The following MLPH variants were observed in gnomAD, a reference collection of about 807,000 sequenced individuals.
MLPH encodes melanophilin.
MLPH carries 51 observed loss-of-function variants against 72.1 expected under a neutral mutation model. That is an observed-to-expected ratio of 0.71 (90% CI 0.56 to 0.89). The LOEUF (loss-of-function observed/expected upper bound fraction) is 0.89, where lower values mean the gene tolerates loss of function less well. Ranked by LOEUF, MLPH falls within the 40% of genes least tolerant of loss-of-function variation. The pLI is 0.00. For missense variants in MLPH, 743 were observed against 759.9 expected, an observed-to-expected ratio of 0.98 and a Z score of 0.26; for synonymous variants, 301 against 310.1, an observed-to-expected ratio of 0.97 and a Z score of 0.31.
chr2:237,494,060 C>A (rs1022427874), intron 2 of MLPH, among the ~76,000 whole-genome samples: 1 of 152,194 alleles, frequency 6.6e-6, no homozygotes, highest in Non-Finnish European at 1.5e-5. Context: ...TCTTCCTCCC[C>A]CCTCTATCTT....
chr2:237,535,053 C>G (rs1449921472), intron 9 of MLPH, among the ~76,000 whole-genome samples: 1 of 152,176 alleles, frequency 6.6e-6, no homozygotes, highest in Non-Finnish European at 1.5e-5. Flanking sequence ...CTGCTATATG[C>G]TGCTATAGCA....
intron 10 of MLPH, 30 bp from the exon 11 acceptor site, chr2:237,540,772 C>T: frequency 6.2e-6 from 10 of 1,611,004 alleles, no homozygotes; most frequent in Non-Finnish European, 8.5e-6. Context: ...CCTCCTGCTG[C>T]TGGTCAGCCT....
intron 4 of MLPH, chr2:237,511,394 G>A (rs1164284735): frequency 2.5e-6 from 1 of 401,660 alleles, no homozygotes; most frequent in African/African-American, 2.1e-5. Context: ...TTATAAGTGT[G>A]AGCCACTGTG....
intron 2 of MLPH, among the ~76,000 whole-genome samples, chr2:237,503,352 T>A (rs2079693619): frequency 6.6e-6 from 1 of 152,102 alleles, no homozygotes; most frequent in South Asian, 2.1e-4. Flanking sequence ...CGTTCTCACA[T>A]CACCACTCAC....
At chr2:237,499,969 C>T (rs1411140057) in intron 2 of MLPH, among the ~76,000 whole-genome samples, 4 of 152,158 alleles carry the variant, frequency 2.6e-5, no homozygotes, top group Admixed American at 1.3e-4. Context: ...TTGTCTTGAA[C>T]TCCTGGGCTC....
rs1422692573 is a variant in MLPH at position 237,541,194 on chromosome 2, G to A, written c.1446+237G>A. Among the ~76,000 whole-genome samples the A allele has an allele frequency of 6.6e-6, 1 of 152,094 alleles. No individual in the cohort carries two copies. The highest frequency in any genetic ancestry group is 2.4e-5 in the African/African-American group (1 of 41,392). Reference sequence around the variant, plus strand: ...CCTTTTTCCTGTTCAACTTGGTGAGGGACAGGCAGGGTTTCCACCAAGAAA... The same window carrying A: ...CCTTTTTCCTGTTCAACTTGGTGAGAGACAGGCAGGGTTTCCACCAAGAAA... On this transcript the variant is annotated intron_variant, in intron 11 of 15. Coordinates refer to ENST00000264605, the MANE Select transcript of MLPH (RefSeq NM_024101.7). This position sits in a 1 kb window ranked among gnomAD's most constrained non-coding sequence, Gnocchi z 5.1.
intron 1 of MLPH, among the ~76,000 whole-genome samples, chr2:237,490,498 G>A: frequency 6.6e-6 from 1 of 152,232 alleles, no homozygotes; most frequent in East Asian, 1.9e-4. Context: ...AAGAAAAGCA[G>A]GTTTTTCCTT....
At chr2:237,546,738 C>G in intron 13 of MLPH, 55 bp downstream of exon 13, 2 of 1,466,840 alleles carry the variant, frequency 1.4e-6, no homozygotes, top group Non-Finnish European at 1.9e-6. Context: ...AAGACTGCAC[C>G]CCTTTCCAGC....
rs750134911 is a variant in MLPH at position 237,510,892 on chromosome 2, C to T, written c.332+97C>T. On this transcript the variant is annotated intron_variant, in intron 3 of 15. Coordinates refer to ENST00000264605, the MANE Select transcript of MLPH (RefSeq NM_024101.7). This position sits in a 1 kb window ranked among gnomAD's most constrained non-coding sequence, Gnocchi z 4.4. ...CTGAAGAAGGGTGGACGCACACATG[C>T]ACACACTCGTGTGTGTGTGTGTGTG... is the stretch of plus-strand genomic sequence containing the variant. 10 of 1,515,126 alleles carry T rather than the reference C, an allele frequency of 6.6e-6. No individual in the cohort carries two copies. The African/African-American group carries it at 1.5e-4, about 23-fold the overall frequency. The allele number at this position is 1,515,126 out of a possible 1,614,324, so 93.9% of individuals were successfully genotyped here.
At chr2:237,549,593 C>T (rs1240204157) in intron 14 of MLPH, among the ~76,000 whole-genome samples, 3 of 152,164 alleles carry the variant, frequency 2.0e-5, no homozygotes, top group Admixed American at 2.0e-4. Flanking sequence ...CTAGAAAGTA[C>T]GGCTCATCAT....
intron 12 of MLPH, chr2:237,545,456 G>T (rs777315085): frequency 7.8e-7 from 1 of 1,286,952 alleles, no homozygotes; most frequent in Non-Finnish European, 1.0e-6. Context: ...ACCCTAAAAA[G>T]GCTCTTTATG....
rs544166036 is a variant in MLPH at position 237,549,964 on chromosome 2, C to T, written c.1675+686C>T. On this transcript the variant is annotated intron_variant, in intron 14 of 15. Coordinates refer to ENST00000264605, the MANE Select transcript of MLPH (RefSeq NM_024101.7). ...CTCACAAGCAATCCTTGGCTCCCAA[C>T]TGCCTGCAGAATGAAGTGGGATTTC... Among the ~76,000 whole-genome samples the T allele has an allele frequency of 2.0e-5, 3 of 152,384 alleles. No individual in the cohort carries two copies. The South Asian group carries it at 6.2e-4, about 32-fold the overall frequency.
rs786205641 is a variant in MLPH, at chr2:237,527,481, TC to T, written c.987del (p.Lys330SerfsTer15). ...GGCTCACGTGATGGCCTCCCACCAT[TC>T]CAAGCGGAGAGGCCGGGCGTCTTCT... ...IRAHVMASHH[S>X]KRRGRASSES... On this transcript the variant is annotated frameshift_variant, in exon 8 of 16. Coordinates refer to ENST00000264605, the MANE Select transcript of MLPH (RefSeq NM_024101.7). LOFTEE classifies it high-confidence loss of function. 6.2e-7 allele frequency: 1 copy of T among 1,614,134 alleles called. No homozygotes were observed. The highest frequency in any genetic ancestry group is 8.5e-7 in the Non-Finnish European group (1 of 1,180,030).
Position 237,510,366 on chromosome 2 carries a change from A to G in MLPH, c.111-208A>G, listed in dbSNP as rs909679576. ...GTGTTTCCATTCCATTCCAGCCACC[A>G]AAATTGCCCGTTTGAGCTCAGCCCT... On this transcript the variant is annotated intron_variant, in intron 2 of 15. Coordinates refer to ENST00000264605, the MANE Select transcript of MLPH (RefSeq NM_024101.7). This position sits in a 1 kb window ranked among gnomAD's most constrained non-coding sequence, Gnocchi z 4.4. 1 of 632,140 alleles carries G rather than the reference A, an allele frequency of 1.6e-6. No homozygotes were observed. The highest frequency in any genetic ancestry group is 1.8e-5 in the African/African-American group (1 of 54,410). The allele number at this position is 632,140 out of a possible 1,614,324, so 39.2% of individuals were successfully genotyped here. A position where few individuals can be genotyped will look rare whatever the true frequency, so the allele number is the denominator to read the frequency against.
At chr2:237,549,594 G>A (rs944731877) in intron 14 of MLPH, among the ~76,000 whole-genome samples, 4 of 152,104 alleles carry the variant, frequency 2.6e-5, no homozygotes, top group Admixed American at 1.3e-4. Flanking sequence ...TAGAAAGTAC[G>A]GCTCATCATT....
Position 237,498,644 on chromosome 2 carries a change from C to T in MLPH, c.110+5108C>T, listed in dbSNP as rs112364881. 4.3e-3 allele frequency among the ~76,000 whole-genome samples: 652 copies of T among 152,228 alleles called. 4 individuals are homozygous for T. Among genetic ancestry groups the T allele is most frequent in the African/African-American group, 0.015 (623 of 41,536 alleles). On this transcript the variant is annotated intron_variant, in intron 2 of 15. Coordinates refer to ENST00000264605, the MANE Select transcript of MLPH (RefSeq NM_024101.7). ...CTCCTTGCTGGCCCTTAGGAGGGAT[C>T]GGTGAGAAGGAAGGGGAAGCCAGCA... is the stretch of plus-strand genomic sequence containing the variant.
chr2:237,487,221 G>A (rs1044513533), upstream of MLPH: 1 of 152,262 alleles, frequency 6.6e-6, no homozygotes, highest in Non-Finnish European at 1.5e-5. Context: ...CAGCCCACGT[G>A]GTTCGGGCGG....
At chr2:237,491,070 T>C (rs1388007242) in intron 1 of MLPH, among the ~76,000 whole-genome samples, 1 of 152,180 alleles carries the variant, frequency 6.6e-6, no homozygotes, top group Non-Finnish European at 1.5e-5. Flanking sequence ...GCCCAGAAAA[T>C]GTCCCTTTTC....
At chr2:237,524,105 G>C (rs1341485562) in intron 6 of MLPH, among the ~76,000 whole-genome samples, 2 of 151,788 alleles carry the variant, frequency 1.3e-5, no homozygotes, top group Non-Finnish European at 1.5e-5. Flanking sequence ...TGAGGCTATT[G>C]GGTCAAATCC....
Sources: allele counts gnomAD v4.1 joint callset (sites outside exome capture counted in the v4.1 genomes callset), GRCh38; gene constraint gnomAD v4.1.1; non-coding constraint Gnocchi (gnomAD v3.1); transcripts MANE v1.5; gene names NCBI Gene and HGNC (gene_info 2026-07-23, HGNC 2026-07-21).